Variants in TRDMT1 observed in about 807,000 individuals in gnomAD.
TRDMT1 encodes tRNA (cytosine(38)-C(5))-methyltransferase.
A neutral mutation model predicts 51.2 loss-of-function variants in TRDMT1; 49 were observed. That is an observed-to-expected ratio of 0.96 (90% confidence interval 0.76 to 1.21). TRDMT1 has a LOEUF of 1.21. TRDMT1 is among the 50% of genes most tolerant of loss of function. The pLI is 0.00. For missense variants in TRDMT1, 534 were observed against 462.3 expected (o/e 1.16, Z -1.42); for synonymous variants, 187 against 164.6 (o/e 1.14, Z -1.04).
At chr10:17,171,975 T>A (rs529583994) in intron 2 of TRDMT1, 4 of 167,158 alleles carry the variant, frequency 2.4e-5, no homozygotes, top group African/African-American at 9.6e-5. Flanking sequence ...ATGATATTTA[T>A]CACGGATCAC....
At chr10:17,183,074 T>C (rs1051749563) in intron 1 of TRDMT1, among the ~76,000 whole-genome samples, 2 of 152,202 alleles carry the variant, frequency 1.3e-5, no homozygotes, top group African/African-American at 2.4e-5. Flanking sequence ...CATCTGGAAA[T>C]GTTCGCTAAG....
Position 17,195,056 on chromosome 10 carries a change from G to A in TRDMT1, c.64+6515C>T, listed in dbSNP as rs115501919. On this transcript the variant is annotated intron_variant, in intron 1 of 10. Transcript: ENST00000377799. ...ATTCAGCCATGGTGGAAAGCAGCTT[G>A]GAAATTTCTCAAAGAACTTAAAACA... Among the ~76,000 whole-genome samples, 1,428 of 151,410 alleles carry A rather than the reference G, an allele frequency of 9.4e-3. 28 individuals are homozygous for A. Among genetic ancestry groups the A allele is most frequent in the African/African-American group, 0.032 (1,334 of 41,278 alleles).
Position 17,141,913 on chromosome 10 carries a change from T to C in TRDMT1, c.*7127A>G, listed in dbSNP as rs1377223384. Reference sequence around the variant, plus strand: ...ATGTCCAGGATCTAATCAAATTATCTGTTACCACAGAATGTTTTCTATTTT... The same window carrying C: ...ATGTCCAGGATCTAATCAAATTATCCGTTACCACAGAATGTTTTCTATTTT... On this transcript the variant is annotated 3_prime_UTR_variant, in exon 11 of 11. Coordinates refer to ENST00000377799, the MANE Select transcript of TRDMT1 (RefSeq NM_004412.7). Among the ~76,000 whole-genome samples the C allele has an allele frequency of 6.6e-6, 1 of 152,260 alleles. No individual in the cohort carries two copies. The highest frequency in any genetic ancestry group is 1.5e-5 in the Non-Finnish European group (1 of 68,048).
In TRDMT1 at chr10:17,193,879, C is replaced by T. The variant is rs77152501; in HGVS notation, c.64+7692G>A. On this transcript the variant is annotated intron_variant, in intron 1 of 10. Coordinates refer to ENST00000377799, the MANE Select transcript of TRDMT1 (RefSeq NM_004412.7). ...GCAATCCTAAGCAAAAAGAACAAGG[C>T]CAGAGGTATCACATTAATGGACTTC... Among the ~76,000 whole-genome samples the T allele has an allele frequency of 9.4e-3, 1,432 of 152,214 alleles. 28 individuals are homozygous for T. Among genetic ancestry groups the T allele is most frequent in the African/African-American group, 0.032 (1,339 of 41,530 alleles).
chr10:17,192,077 C>T (rs914917700), intron 1 of TRDMT1, among the ~76,000 whole-genome samples: 4 of 151,868 alleles, frequency 2.6e-5, no homozygotes, highest in South Asian at 2.1e-4. Context: ...CCGGGCAGCG[C>T]AAAAATTAAG....
Position 17,147,265 on chromosome 10 carries a change from C to A in TRDMT1, c.*1775G>T. 1.0e-6 allele frequency: 1 copy of A among 985,660 alleles called. No individual in the cohort carries two copies. Among genetic ancestry groups the A allele is most frequent in the Non-Finnish European group, 1.2e-6 (1 of 829,894 alleles). 61.1% of individuals were successfully genotyped at this position (985,660 alleles called of 1,614,324 possible). ...TTATGAGACTTGTAATAGGCTCTGT[C>A]TGAACACATATGAAAAATGTAGATA... On this transcript the variant is annotated 3_prime_UTR_variant, in exon 11 of 11. Transcript: ENST00000377799.
chr10:17,183,501 T>C (rs770871074), intron 1 of TRDMT1, among the ~76,000 whole-genome samples: 2 of 152,180 alleles, frequency 1.3e-5, no homozygotes, highest in Non-Finnish European at 2.9e-5. Flanking sequence ...CACTGCAATC[T>C]CCACCTCCTG....
chr10:17,147,226 T>C lies in TRDMT1; in HGVS notation c.*1814A>G, dbSNP rs529414106. 2 of 985,852 alleles carry C rather than the reference T, an allele frequency of 2.0e-6. No homozygotes were observed. Among genetic ancestry groups the C allele is most frequent in the East Asian group, 1.1e-4 (1 of 8,810 alleles). 61.1% of individuals were successfully genotyped at this position (985,852 alleles called of 1,614,324 possible). ...GAAAGTGTGCCAAAATAATTTGTGATTGTTTACTGAAATTTATGAGACTTG... is the reference window on the plus strand; with the variant it reads ...GAAAGTGTGCCAAAATAATTTGTGACTGTTTACTGAAATTTATGAGACTTG... On this transcript the variant is annotated 3_prime_UTR_variant, in exon 11 of 11. Coordinates refer to ENST00000377799, the MANE Select transcript of TRDMT1 (RefSeq NM_004412.7).
At chr10:17,182,872 A>T (rs988617241) in intron 1 of TRDMT1, among the ~76,000 whole-genome samples, 2 of 152,228 alleles carry the variant, frequency 1.3e-5, no homozygotes, top group East Asian at 1.9e-4. Context: ...ATCGATAAAC[A>T]TATAAAAGAT....
intron 1 of TRDMT1, among the ~76,000 whole-genome samples, chr10:17,189,599 T>C (rs1192842328): frequency 6.6e-6 from 1 of 152,086 alleles, no homozygotes; most frequent in Non-Finnish European, 1.5e-5. Flanking sequence ...AAAAATAAAT[T>C]GAGAACACAA....
Position 17,148,241 on chromosome 10 carries a change from T to C in TRDMT1, c.*799A>G. The C allele has an allele frequency of 1.0e-6, 1 of 985,398 alleles. No homozygotes were observed. 61.0% of individuals were successfully genotyped at this position (985,398 alleles called of 1,614,324 possible). A position where few individuals can be genotyped will look rare whatever the true frequency, so the allele number is the denominator to read the frequency against. ...GGGAGTACTGTCATATGACATGGGA[T>C]CAGAGGGCAGCTTCCTCCCTGAAAT... On this transcript the variant is annotated 3_prime_UTR_variant, in exon 11 of 11. Coordinates refer to ENST00000377799, the MANE Select transcript of TRDMT1 (RefSeq NM_004412.7).
chr10:17,143,703 T>C lies in TRDMT1; in HGVS notation c.*5337A>G. On this transcript the variant is annotated 3_prime_UTR_variant, in exon 11 of 11. Transcript: ENST00000377799. Reference sequence around the variant, plus strand: ...CTCAGTGACTTTTTATAAGTTTTCCTAAAAATAAATGATCGTTCAGAGGCC... The same window carrying C: ...CTCAGTGACTTTTTATAAGTTTTCCCAAAAATAAATGATCGTTCAGAGGCC... 1.0e-6 allele frequency: 1 copy of C among 985,426 alleles called. No homozygotes were observed. The highest frequency in any genetic ancestry group is 1.2e-6 in the Non-Finnish European group (1 of 829,920). 61.0% of individuals were successfully genotyped at this position (985,426 alleles called of 1,614,324 possible). A position where few individuals can be genotyped will look rare whatever the true frequency, so the allele number is the denominator to read the frequency against.
rs1837709861 is a variant in TRDMT1 at position 17,141,724 on chromosome 10, GAT to G, written c.*7314_*7315del. Among the ~76,000 whole-genome samples the G allele has an allele frequency of 2.0e-5, 3 of 152,048 alleles. No individual in the cohort carries two copies. In the South Asian group the frequency reaches 6.2e-4, roughly 32 times the overall value. ...CTTCTGTCATTTCCTCTCTACTACT[GAT>G]CTCAAGTTTAGCAAAAGATATAAAT... On this transcript the variant is annotated 3_prime_UTR_variant, in exon 11 of 11. Coordinates refer to ENST00000377799, the MANE Select transcript of TRDMT1 (RefSeq NM_004412.7).
rs1011056613 is a variant in TRDMT1, at chr10:17,139,062, C to A, written c.*9978G>T. 1.8e-6 allele frequency: 1 copy of A among 570,910 alleles called. No individual in the cohort carries two copies. Among genetic ancestry groups the A allele is most frequent in the Admixed American group, 6.4e-5 (1 of 15,742 alleles). 35.4% of individuals were successfully genotyped at this position (570,910 alleles called of 1,614,324 possible). ...AAAGCTAGTAAAAAAATCAACAGAG[C>A]TTTCTCTACCTCCAACAGCTCCCGG... On this transcript the variant is annotated 3_prime_UTR_variant, in exon 11 of 11. Coordinates refer to ENST00000377799, the MANE Select transcript of TRDMT1 (RefSeq NM_004412.7).
intron 1 of TRDMT1, among the ~76,000 whole-genome samples, chr10:17,191,750 G>A (rs1376924995): frequency 6.6e-6 from 1 of 152,126 alleles, no homozygotes; most frequent in Non-Finnish European, 1.5e-5. Context: ...GGGAGAGAGT[G>A]TATCTTCTGG....
Position 17,153,504 on chromosome 10 carries a change from T to C in TRDMT1, c.1075+3A>G. The C allele has an allele frequency of 6.2e-7, 1 of 1,614,020 alleles. No homozygotes were observed. The highest frequency in any genetic ancestry group is 8.5e-7 in the Non-Finnish European group (1 of 1,179,924). On this transcript the variant is annotated splice_donor_region_variant and intron_variant, in intron 10 of 10. Transcript: ENST00000377799. ...AGCTGAATTCTGCACGTATCCCACATACCGAACTCTGGAGGAAATCCAAGG... is the reference window on the plus strand; with the variant it reads ...AGCTGAATTCTGCACGTATCCCACACACCGAACTCTGGAGGAAATCCAAGG...
chr10:17,201,501 C>T (rs1846170882), intron 1 of TRDMT1, 70 bp downstream of exon 1: 2 of 1,291,750 alleles, frequency 1.5e-6, no homozygotes, highest in Non-Finnish European at 2.2e-6. Context: ...CGCTCCGCCC[C>T]TTCCCGGCGC....
rs1272404093 is a variant in TRDMT1, at chr10:17,137,391, T to A, written c.*11649A>T. On this transcript the variant is annotated 3_prime_UTR_variant, in exon 11 of 11. Coordinates refer to ENST00000377799, the MANE Select transcript of TRDMT1 (RefSeq NM_004412.7). ...TCTCTGATTTACAATAAAGTCGTAA[T>A]GTACAAATCTGGAGAGCCAGAGTTA... is the stretch of plus-strand genomic sequence containing the variant. 6.6e-6 allele frequency: 1 copy of A among 152,224 alleles called. No individual in the cohort carries two copies. The highest frequency in any genetic ancestry group is 1.5e-5 in the Non-Finnish European group (1 of 68,046). The allele number at this position is 152,224 out of a possible 1,614,324, so 9.4% of individuals were successfully genotyped here.
rs768116667 is a variant in TRDMT1 at position 17,157,547 on chromosome 10, T to C, written c.781A>G (p.Thr261Ala). 8 of 1,614,094 alleles carry C rather than the reference T, an allele frequency of 5.0e-6. No individual in the cohort carries two copies. In the Admixed American group the frequency reaches 1.2e-4, roughly 24 times the overall value. ...GGTAAAAGATACTGGTTCACGTCAGTGTCATCTTCAAGAAAATCTTTTAGC... is the reference window on the plus strand; with the variant it reads ...GGTAAAAGATACTGGTTCACGTCAGCGTCATCTTCAAGAAAATCTTTTAGC... Reference protein sequence around the residue: ...KMLKDFLEDDTDVNQYLLPPK... With the variant: ...KMLKDFLEDDADVNQYLLPPK... The change falls in exon 8 of 11, where the codon ACT becomes GCT. Residue 261 changes from threonine (T) to alanine (A), a missense_variant. Thr to Ala is a moderately conservative substitution (Grantham distance 58). Transcript: ENST00000377799.
Sources: gnomAD v4.1 joint callset for allele counts (sites outside exome capture counted in the v4.1 genomes callset) on GRCh38, gnomAD v4.1.1 for gene constraint, MANE v1.5 for transcripts, NCBI Gene and HGNC (gene_info 2026-07-23, HGNC 2026-07-21) for gene names.